Variants in SRRM4 observed in about 807,000 individuals in gnomAD.
SRRM4 encodes serine/arginine repetitive matrix protein 4.
SRRM4 carries 33 observed loss-of-function variants against 68.9 expected under a neutral mutation model. The observed-to-expected ratio is 0.48, with a 90% CI of 0.36 to 0.64. The LOEUF (loss-of-function observed/expected upper bound fraction) is 0.64, where lower values mean the gene tolerates loss of function less well. Among genes scored for constraint, SRRM4 ranks in the 30% least tolerant of loss-of-function variants. SRRM4 has a pLI of 0.00. For missense variants in SRRM4, 817 were observed against 827.1 expected, an observed-to-expected ratio of 0.99 and a Z score of 0.15; for synonymous variants, 318 against 318.8, an observed-to-expected ratio of 1.00 and a Z score of 0.03.
chr12:119,091,831 G>T (rs2136037113), intron 1 of SRRM4, among the ~76,000 whole-genome samples: 1 of 152,222 alleles, frequency 6.6e-6, no homozygotes, highest in Admixed American at 6.5e-5. Context: ...CAGTCAGGAT[G>T]TCTCCTTTCT....
intron 1 of SRRM4, among the ~76,000 whole-genome samples, chr12:119,054,261 C>T (rs1250312426): frequency 6.6e-6 from 1 of 152,060 alleles, no homozygotes; most frequent in Non-Finnish European, 1.5e-5. Context: ...GTATATGTAC[C>T]ACGTTTTATT....
chr12:119,059,377 G>A (rs999772031), intron 1 of SRRM4, among the ~76,000 whole-genome samples: 4 of 152,160 alleles, frequency 2.6e-5, no homozygotes, highest in Admixed American at 6.5e-5. Context: ...TTCTCGCTAT[G>A]TAGTGGGGTT....
chr12:119,116,491 G>A (rs1412812228), intron 3 of SRRM4, among the ~76,000 whole-genome samples: 1 of 152,164 alleles, frequency 6.6e-6, no homozygotes, highest in African/African-American at 2.4e-5. Context: ...AGCCTTTCCA[G>A]CTTGACCAGG....
chr12:119,138,938 C>A (rs978311079), intron 8 of SRRM4, among the ~76,000 whole-genome samples: 1 of 152,008 alleles, frequency 6.6e-6, no homozygotes, highest in African/African-American at 2.4e-5. Flanking sequence ...TGTAAGGGTT[C>A]CAGCTCTTAA....
At chr12:119,055,134 A>AG (rs1953768479) in intron 1 of SRRM4, among the ~76,000 whole-genome samples, 1 of 152,182 alleles carries the variant, frequency 6.6e-6, no homozygotes, top group Non-Finnish European at 1.5e-5. Flanking sequence ...GATGCTCAGC[A>AG]GGGAAATTTA....
chr12:118,982,679 G>GTTTTTTTTTTTTT (rs370087102), intron 1 of SRRM4, among the ~76,000 whole-genome samples: 15 of 102,138 alleles, frequency 1.5e-4, no homozygotes, highest in South Asian at 6.1e-4. Flanking sequence ...GTTTTTTTTT[G>GTTTTTTTTTTTTT]TTTTTTTTTT....
intron 1 of SRRM4, among the ~76,000 whole-genome samples, chr12:118,995,105 AAT>A (rs1953340490): frequency 6.6e-6 from 1 of 152,202 alleles, no homozygotes; most frequent in Non-Finnish European, 1.5e-5. Flanking sequence ...AAGGTTTAAT[AAT>A]AGTTACTAAT....
chr12:118,986,976 C>T (rs1953286541), intron 1 of SRRM4, among the ~76,000 whole-genome samples: 1 of 151,994 alleles, frequency 6.6e-6, no homozygotes, highest in African/African-American at 2.4e-5. Context: ...GAAGAATTCA[C>T]AGGGGCTTAG....
At chr12:119,049,005 T>C (rs992059942) in intron 1 of SRRM4, among the ~76,000 whole-genome samples, 5 of 152,198 alleles carry the variant, frequency 3.3e-5, no homozygotes, top group African/African-American at 1.2e-4. Flanking sequence ...GGATACCTAC[T>C]GTGTGCCAGA....
At chr12:119,146,427 A>T (rs1014715843) in intron 9 of SRRM4, among the ~76,000 whole-genome samples, 1 of 151,700 alleles carries the variant, frequency 6.6e-6, no homozygotes, top group Non-Finnish European at 1.5e-5. Context: ...TCTCTACTAG[A>T]AATACAAAAT....
intron 1 of SRRM4, among the ~76,000 whole-genome samples, chr12:119,098,776 C>T (rs73213711): frequency 0.021 from 3,221 of 152,300 alleles, 52 homozygotes; most frequent in Non-Finnish European, 0.036. Context: ...ATCCTTGACT[C>T]CTTCTCCTGT....
chr12:118,984,817 G>A (rs1409868957), intron 1 of SRRM4, among the ~76,000 whole-genome samples: 2 of 152,170 alleles, frequency 1.3e-5, no homozygotes, highest in Non-Finnish European at 2.9e-5. Flanking sequence ...AGAGTGGGAA[G>A]CAGTATATCA....
intron 6 of SRRM4, among the ~76,000 whole-genome samples, chr12:119,123,100 A>G (rs1389201308): frequency 6.6e-6 from 1 of 152,206 alleles, no homozygotes; most frequent in Non-Finnish European, 1.5e-5. Context: ...GCTTCTAAAG[A>G]GAGGATCAAA....
chr12:119,084,798 G>T (rs1349523140), intron 1 of SRRM4, among the ~76,000 whole-genome samples: 1 of 152,208 alleles, frequency 6.6e-6, no homozygotes, highest in African/African-American at 2.4e-5. Flanking sequence ...GTCAGGGGAG[G>T]CTTCCTGAAA....
chr12:119,004,563 C>T (rs892299296), intron 1 of SRRM4, among the ~76,000 whole-genome samples: 2 of 151,956 alleles, frequency 1.3e-5, no homozygotes, highest in African/African-American at 4.8e-5. Flanking sequence ...CTGCAGCTCA[C>T]AGATGGATTG....
chr12:119,093,168 A>G (rs1954024850), intron 1 of SRRM4, among the ~76,000 whole-genome samples: 1 of 152,082 alleles, frequency 6.6e-6, no homozygotes, highest in Non-Finnish European at 1.5e-5. Flanking sequence ...TTACCTTCTA[A>G]TATTTACCAC....
rs192019217 is a variant in SRRM4, at chr12:119,099,505, G to A, written c.132-2731G>A. Among the ~76,000 whole-genome samples, 303 of 152,308 alleles carry A rather than the reference G, an allele frequency of 2.0e-3. 1 individual carries two copies. The highest frequency in any genetic ancestry group is 3.6e-3 in the Non-Finnish European group (245 of 68,028). ...CTGCCTAGGGCACACTTCTCACTTC[G>A]AGCAGATACCTGTGTAGAAGCTATA... On this transcript the variant is annotated intron_variant, in intron 1 of 12. Transcript: ENST00000267260.
At chr12:119,108,052 C>T (rs979854761) in intron 2 of SRRM4, among the ~76,000 whole-genome samples, 2 of 152,142 alleles carry the variant, frequency 1.3e-5, no homozygotes. Flanking sequence ...ATCTTTATTT[C>T]TGCCTTCATT....
chr12:119,077,605 C>T (rs1953924243), intron 1 of SRRM4, among the ~76,000 whole-genome samples: 1 of 152,090 alleles, frequency 6.6e-6, no homozygotes, highest in South Asian at 2.1e-4. Context: ...TGATAACTAG[C>T]TGGGCAAGTT....
Sources: allele counts gnomAD v4.1 joint callset (sites outside exome capture counted in the v4.1 genomes callset), GRCh38; gene constraint gnomAD v4.1.1; transcripts MANE v1.5; gene names NCBI Gene and HGNC (gene_info 2026-07-23, HGNC 2026-07-21).